The following VSTM5 variants were observed in gnomAD, a reference collection of about 807,000 sequenced individuals.
VSTM5 encodes V-set and transmembrane domain-containing protein 5.
Under a neutral mutation model 20.3 loss-of-function variants are expected in VSTM5, and 21 were observed. That is an observed-to-expected ratio of 1.03 (90% confidence interval 0.73 to 1.49). The LOEUF (loss-of-function observed/expected upper bound fraction) is 1.49, where lower values mean the gene tolerates loss of function less well. VSTM5 is among the 40% of genes most tolerant of loss of function. The probability of loss-of-function intolerance (pLI) is 0.00; values close to 1 mark genes in which losing one functional copy is unlikely to be tolerated. For synonymous variants in VSTM5, 100 were observed against 102.5 expected, an observed-to-expected ratio of 0.98 and a Z score of 0.14; for missense variants, 219 against 250.0, an observed-to-expected ratio of 0.88 and a Z score of 0.84.
At chr11:93,822,387 C>CA (rs1944195093) in intron 1 of VSTM5, among the ~76,000 whole-genome samples, 1 of 147,952 alleles carries the variant, frequency 6.8e-6, no homozygotes, top group South Asian at 2.1e-4. Context: ...CAGCCATCTC[C>CA]TTTTTTTTTT....
intron 1 of VSTM5, among the ~76,000 whole-genome samples, chr11:93,826,160 A>T (rs1433634827): frequency 6.6e-6 from 1 of 151,908 alleles, no homozygotes; most frequent in Non-Finnish European, 1.5e-5. Flanking sequence ...GGATCACCTG[A>T]GCCCAGGAGT....
At chr11:93,825,594 G>T (rs1310535694) in intron 1 of VSTM5, among the ~76,000 whole-genome samples, 1 of 152,100 alleles carries the variant, frequency 6.6e-6, no homozygotes, top group Non-Finnish European at 1.5e-5. Flanking sequence ...CGAACATAGG[G>T]TATCTTTCCA....
Position 93,820,726 on chromosome 11 carries a change from A to T in VSTM5, c.559+17T>A. 6.4e-7 allele frequency: 1 copy of T among 1,551,638 alleles called. No individual in the cohort carries two copies. Among genetic ancestry groups the T allele is most frequent in the Non-Finnish European group, 8.7e-7 (1 of 1,146,956 alleles). ...CTCAAAACCACTCATGGATTATCAC[A>T]AGGCCCAGGGGGTTACCTTTGAGTT... On this transcript the variant is annotated intron_variant, in intron 3 of 3. Transcript: ENST00000409977.
rs181204388 is a variant in VSTM5, at chr11:93,834,732, G to A, written c.92-13409C>T. Reference sequence around the variant, plus strand: ...CAGGAGGTAGAGGTTGCAGTGAGCTGAGATTGTGCCACTGCACTCCAGCCT... The same window carrying A: ...CAGGAGGTAGAGGTTGCAGTGAGCTAAGATTGTGCCACTGCACTCCAGCCT... On this transcript the variant is annotated intron_variant, in intron 1 of 3. Coordinates refer to ENST00000409977, the MANE Select transcript of VSTM5 (RefSeq NM_001144871.2). Among the ~76,000 whole-genome samples the A allele has an allele frequency of 7.3e-3, 1,014 of 138,586 alleles. 14 individuals are homozygous for A. Among genetic ancestry groups the A allele is most frequent in the African/African-American group, 0.029 (975 of 33,196 alleles). 90.9% of individuals were successfully genotyped at this position (138,586 alleles called of 152,430 possible).
chr11:93,839,165 C>T (rs537591005), intron 1 of VSTM5, among the ~76,000 whole-genome samples: 2 of 152,352 alleles, frequency 1.3e-5, no homozygotes, highest in South Asian at 4.1e-4. Context: ...AGAGTGTGAA[C>T]TTAGGATGCG....
At position 93,820,901 on chromosome 11, in the gene VSTM5, G is replaced by A; in HGVS notation, c.419-18C>T. On this transcript the variant is annotated intron_variant, in intron 2 of 3. Transcript: ENST00000409977. ...GAGGATCTCTATGGAGTGAGGGTGA[G>A]GGGAGGGGGAAGACAACATTTCTTT... The A allele has an allele frequency of 1.9e-6, 3 of 1,550,880 alleles. No individual in the cohort carries two copies. Among genetic ancestry groups the A allele is most frequent in the South Asian group, 1.2e-5 (1 of 84,032 alleles).
chr11:93,827,901 T>C (rs1267423032), intron 1 of VSTM5, among the ~76,000 whole-genome samples: 1 of 152,174 alleles, frequency 6.6e-6, no homozygotes, highest in Non-Finnish European at 1.5e-5. Context: ...ATACATATTA[T>C]GTACGGAAAA....
intron 1 of VSTM5, among the ~76,000 whole-genome samples, chr11:93,840,335 G>A (rs995807412): frequency 6.6e-6 from 1 of 152,228 alleles, no homozygotes; most frequent in African/African-American, 2.4e-5. Context: ...CTGAGGGTGT[G>A]ACCAAGGCCT....
At chr11:93,838,450 C>T (rs1046312899) in intron 1 of VSTM5, among the ~76,000 whole-genome samples, 3 of 150,776 alleles carry the variant, frequency 2.0e-5, no homozygotes, top group East Asian at 2.0e-4. Flanking sequence ...CCAGCCTGGG[C>T]GACATAGCCA....
chr11:93,846,012 C>G (rs1314557488), intron 1 of VSTM5, among the ~76,000 whole-genome samples: 1 of 152,110 alleles, frequency 6.6e-6, no homozygotes, highest in Admixed American at 6.5e-5. Context: ...GTATTAAAGC[C>G]TTTTTGTGGG....
chr11:93,846,810 A>G (rs2135741222), intron 1 of VSTM5, among the ~76,000 whole-genome samples: 1 of 145,734 alleles, frequency 6.9e-6, no homozygotes, highest in Admixed American at 7.1e-5. Context: ...CTCTGTCACC[A>G]GGCTGGAGGG....
intron 1 of VSTM5, among the ~76,000 whole-genome samples, chr11:93,829,053 GGCA>G (rs2135732510): frequency 6.6e-6 from 1 of 152,284 alleles, no homozygotes; most frequent in East Asian, 1.9e-4. Context: ...CAACAGGCCG[GGCA>G]ATGACACAGA....
At chr11:93,846,603 C>G (rs1056903932) in intron 1 of VSTM5, among the ~76,000 whole-genome samples, 1 of 136,846 alleles carries the variant, frequency 7.3e-6, no homozygotes, top group Non-Finnish European at 1.6e-5. Context: ...TCAGTGGGGT[C>G]TGGCTAAGTA....
intron 1 of VSTM5, among the ~76,000 whole-genome samples, chr11:93,848,873 A>G (rs1433849016): frequency 6.6e-6 from 1 of 152,112 alleles, no homozygotes; most frequent in Non-Finnish European, 1.5e-5. Flanking sequence ...ATGTGTAAGT[A>G]TGGTGATTAG....
intron 1 of VSTM5, among the ~76,000 whole-genome samples, chr11:93,843,953 A>G (rs1052268165): frequency 2.0e-5 from 3 of 152,082 alleles, no homozygotes; most frequent in Non-Finnish European, 4.4e-5. Flanking sequence ...TTCAAGGCCC[A>G]TCTTTAATGT....
intron 1 of VSTM5, among the ~76,000 whole-genome samples, chr11:93,844,037 G>A (rs1234496810): frequency 5.3e-5 from 8 of 152,196 alleles, no homozygotes; most frequent in Non-Finnish European, 1.2e-4. Context: ...TTAGATGACT[G>A]ACTGCCCATC....
At chr11:93,839,108 A>T (rs1366606525) in intron 1 of VSTM5, among the ~76,000 whole-genome samples, 1 of 152,238 alleles carries the variant, frequency 6.6e-6, no homozygotes, top group African/African-American at 2.4e-5. Flanking sequence ...TGATTGGCCC[A>T]AGGCTGATAC....
At chr11:93,823,423 G>A (rs910037466) in intron 1 of VSTM5, among the ~76,000 whole-genome samples, 1 of 152,090 alleles carries the variant, frequency 6.6e-6, no homozygotes, top group Non-Finnish European at 1.5e-5. Context: ...GCGTAATGAT[G>A]ATCACGATTA....
At chr11:93,825,710 T>A (rs1436711036) in intron 1 of VSTM5, among the ~76,000 whole-genome samples, 1 of 151,918 alleles carries the variant, frequency 6.6e-6, no homozygotes, top group East Asian at 1.9e-4. Context: ...TATTTTTGAT[T>A]TTATTGTAAA....
Sources: allele counts gnomAD v4.1 joint callset (sites outside exome capture counted in the v4.1 genomes callset), GRCh38; gene constraint gnomAD v4.1.1; transcripts MANE v1.5; gene names NCBI Gene and HGNC (gene_info 2026-07-23, HGNC 2026-07-21).